The following VPS13B variants were observed in gnomAD, a reference collection of about 807,000 sequenced individuals.
The protein encoded by VPS13B is intermembrane lipid transfer protein VPS13B.
VPS13B carries 285 observed loss-of-function variants against 426.4 expected under a neutral mutation model. The observed-to-expected ratio is 0.67, with a 90% CI of 0.61 to 0.74. The LOEUF is 0.74. Ranked by LOEUF, VPS13B falls within the 30% of genes least tolerant of loss-of-function variation. The probability of loss-of-function intolerance (pLI) is 0.00; values close to 1 mark genes in which losing one functional copy is unlikely to be tolerated. For synonymous variants in VPS13B, 1,676 were observed against 1,676.4 expected (o/e 1.00, Z 0.01); for missense variants, 4,537 against 4,782.6 (o/e 0.95, Z 1.51).
chr8:99,710,163 C>T (rs1432742488), intron 36 of VPS13B, among the ~76,000 whole-genome samples: 4 of 152,114 alleles, frequency 2.6e-5, no homozygotes, highest in Admixed American at 6.6e-5. Context: ...CATCAAATGC[C>T]TGTGTACTCA....
chr8:99,433,433 G>A (rs1230241847), intron 22 of VPS13B, among the ~76,000 whole-genome samples: 2 of 152,158 alleles, frequency 1.3e-5, no homozygotes, highest in Non-Finnish European at 2.9e-5. Flanking sequence ...CATCTTATTA[G>A]AAACAATGGA....
intron 16 of VPS13B, among the ~76,000 whole-genome samples, chr8:99,186,061 CT>C (rs1285240293): frequency 2.6e-5 from 4 of 151,924 alleles, no homozygotes; most frequent in African/African-American, 9.7e-5. Flanking sequence ...TTATTTTTCC[CT>C]AGAGAGTAAT....
At chr8:99,536,785 T>A (rs1823260853) in intron 30 of VPS13B, 1 of 527,484 alleles carries the variant, frequency 1.9e-6, no homozygotes. Context: ...ACGAAGCTTA[T>A]GTTCAGTGAG....
At chr8:99,270,131 C>CTTTTTTTT (rs71273170) in intron 17 of VPS13B, among the ~76,000 whole-genome samples, 714 of 30,288 alleles carry the variant, frequency 0.024, 321 homozygotes, top group Middle Eastern at 0.22. Context: ...ATATAAGAAT[C>CTTTTTTTT]TTTTTTTTTT....
chr8:99,274,216 C>T lies in VPS13B; in HGVS notation c.2534C>T (p.Pro845Leu), dbSNP rs147059568. 1 of 1,613,976 alleles carries T rather than the reference C, an allele frequency of 6.2e-7. No homozygotes were observed. The highest frequency in any genetic ancestry group is 8.5e-7 in the Non-Finnish European group (1 of 1,179,986). Residue 845 changes from proline to leucine, a missense_variant, in exon 18 of 62, where the codon CCC (proline) becomes CTC (leucine). Coordinates refer to ENST00000357162, the MANE Select transcript of VPS13B (RefSeq NM_152564.5). Reference protein sequence around the residue: ...FLSIGVKSKNPLPTLEGSIQN... With the variant: ...FLSIGVKSKNLLPTLEGSIQN... ...TTATTAGGTGTGAAATCTAAGAATCCCCTGCCAACTCTTGAGGGCTCAATC... is the reference window on the plus strand; with the variant it reads ...TTATTAGGTGTGAAATCTAAGAATCTCCTGCCAACTCTTGAGGGCTCAATC...
At chr8:99,120,611 T>TA (rs1426926765) in intron 7 of VPS13B, 1 of 152,244 alleles carries the variant, frequency 6.6e-6, no homozygotes, top group Non-Finnish European at 1.5e-5. Flanking sequence ...CCCAACATTA[T>TA]TATTTTTCTT....
intron 20 of VPS13B, among the ~76,000 whole-genome samples, chr8:99,390,674 C>G (rs548823088): frequency 7.2e-5 from 11 of 152,316 alleles, no homozygotes; most frequent in Non-Finnish European, 1.3e-4. Context: ...CCATCTGATA[C>G]AGCTGTGTTA....
At chr8:99,726,128 A>G (rs749847444) in intron 39 of VPS13B, among the ~76,000 whole-genome samples, 29 of 152,354 alleles carry the variant, frequency 1.9e-4, no homozygotes, top group Middle Eastern at 6.8e-3. Context: ...ATTGTAATGA[A>G]AAATATAAAC....
chr8:99,562,585 G>C (rs1445343684), intron 31 of VPS13B, among the ~76,000 whole-genome samples: 4 of 151,948 alleles, frequency 2.6e-5, no homozygotes, highest in African/African-American at 4.8e-5. Context: ...CTGGCCTTTT[G>C]GCTGTTTTTT....
intron 19 of VPS13B, among the ~76,000 whole-genome samples, chr8:99,326,743 A>G (rs1017110815): frequency 1.3e-5 from 2 of 152,002 alleles, no homozygotes; most frequent in African/African-American, 4.8e-5. Context: ...AGTCTCCTAC[A>G]AATATATCAT....
intron 17 of VPS13B, among the ~76,000 whole-genome samples, chr8:99,200,897 ATCT>A (rs377596199): frequency 7.2e-5 from 11 of 151,918 alleles, no homozygotes; most frequent in African/African-American, 2.7e-4. Context: ...CCTCAAGTAC[ATCT>A]TCTTTACATT....
intron 43 of VPS13B, 140 bp downstream of exon 43, chr8:99,784,616 A>C: frequency 8.5e-7 from 1 of 1,173,042 alleles, no homozygotes; most frequent in Non-Finnish European, 1.2e-6. Flanking sequence ...ACGGAAACCC[A>C]AGAGTGTTTA....
At chr8:99,664,970 C>G (rs1029657653) in intron 35 of VPS13B, among the ~76,000 whole-genome samples, 1 of 152,212 alleles carries the variant, frequency 6.6e-6, no homozygotes, top group Non-Finnish European at 1.5e-5. Context: ...CACATCCTCT[C>G]CAGCACCTGT....
chr8:99,177,967 G>A (rs1469012601), intron 16 of VPS13B, among the ~76,000 whole-genome samples: 2 of 152,026 alleles, frequency 1.3e-5, no homozygotes, highest in East Asian at 1.9e-4. Context: ...CATTATTTTT[G>A]TGAGGGAGAG....
At chr8:99,664,887 C>A (rs1261670041) in intron 35 of VPS13B, among the ~76,000 whole-genome samples, 1 of 152,146 alleles carries the variant, frequency 6.6e-6, no homozygotes, top group Admixed American at 6.5e-5. Flanking sequence ...CCTGAGAAAT[C>A]GCCACACTGA....
intron 17 of VPS13B, among the ~76,000 whole-genome samples, chr8:99,270,131 C>CTTTT (rs71273170): frequency 0.043 from 1,309 of 30,226 alleles, 495 homozygotes; most frequent in African/African-American, 0.087. Context: ...ATATAAGAAT[C>CTTTT]TTTTTTTTTT....
chr8:99,358,032 A>ACAC (rs973411875), intron 19 of VPS13B, among the ~76,000 whole-genome samples: 5 of 151,426 alleles, frequency 3.3e-5, no homozygotes, highest in African/African-American at 1.2e-4. Context: ...ACACACACAC[A>ACAC]CACCACACAC....
intron 21 of VPS13B, among the ~76,000 whole-genome samples, chr8:99,396,325 T>C (rs1040583132): frequency 6.6e-6 from 1 of 151,620 alleles, no homozygotes; most frequent in Non-Finnish European, 1.5e-5. Flanking sequence ...CACAAAGAGG[T>C]CAAGCAACTT....
chr8:99,116,508 A>G (rs1484520547), intron 7 of VPS13B, among the ~76,000 whole-genome samples: 1 of 152,186 alleles, frequency 6.6e-6, no homozygotes, highest in Non-Finnish European at 1.5e-5. Flanking sequence ...ATCATGGGTC[A>G]CTGCAGCCGC....
Sources: gnomAD v4.1 joint callset for allele counts (sites outside exome capture counted in the v4.1 genomes callset) on GRCh38, gnomAD v4.1.1 for gene constraint, MANE v1.5 for transcripts, NCBI Gene and HGNC (gene_info 2026-07-23, HGNC 2026-07-21) for gene names.